MAEA: variants seen among roughly 807,000 people sequenced by gnomAD.
MAEA encodes macrophage erythroblast attacher, E3 ubiquitin ligase, also known as E3 ubiquitin-protein transferase MAEA.
A neutral mutation model predicts 46.2 loss-of-function variants in MAEA; 22 were observed. The observed-to-expected ratio is 0.48, with a 90% CI of 0.34 to 0.68. The LOEUF is 0.68. Among genes scored for constraint, MAEA ranks in the 30% least tolerant of loss-of-function variants. MAEA has a pLI of 0.01. For synonymous variants in MAEA, 246 were observed against 222.6 expected, an observed-to-expected ratio of 1.11 and a Z score of -0.94; for missense variants, 393 against 558.1, an observed-to-expected ratio of 0.70 and a Z score of 2.98.
At chr4:1,301,298 G>A (rs1288576397) in intron 1 of MAEA, among the ~76,000 whole-genome samples, 1 of 152,194 alleles carries the variant, frequency 6.6e-6, no homozygotes, top group Non-Finnish European at 1.5e-5. Flanking sequence ...GACGTTTCAC[G>A]CATGTCTCCA....
chr4:1,319,180 C>G (rs1049053086), intron 3 of MAEA, among the ~76,000 whole-genome samples: 2 of 151,550 alleles, frequency 1.3e-5, no homozygotes, highest in African/African-American at 4.9e-5. Context: ...AGTGAGAACC[C>G]TTCTCTACAA....
chr4:1,321,711 T>C (rs908908376), intron 3 of MAEA, among the ~76,000 whole-genome samples: 1 of 152,112 alleles, frequency 6.6e-6, no homozygotes, highest in African/African-American at 2.4e-5. Flanking sequence ...ACCTGAGCGC[T>C]TGCCCCAAGC....
intron 1 of MAEA, among the ~76,000 whole-genome samples, chr4:1,301,805 G>C (rs573636613): frequency 5.3e-5 from 8 of 152,344 alleles, no homozygotes; most frequent in Admixed American, 3.9e-4. Flanking sequence ...ATCATATACA[G>C]TTGTTATTTT....
intron 1 of MAEA, among the ~76,000 whole-genome samples, chr4:1,308,880 C>T (rs1224208237): frequency 6.6e-6 from 1 of 152,192 alleles, no homozygotes; most frequent in Non-Finnish European, 1.5e-5. Context: ...TTTTCCTGCT[C>T]TGCAGTTTTT....
intron 5 of MAEA, chr4:1,331,276 GT>G (rs1489475995): frequency 1.3e-5 from 2 of 151,248 alleles, no homozygotes; most frequent in African/African-American, 4.9e-5. Flanking sequence ...CCGACTCCCA[GT>G]CCCTGTATGC....
intron 7 of MAEA, chr4:1,338,026 T>A (rs57123300): frequency 0.055 from 11,061 of 200,784 alleles, 1,209 homozygotes; most frequent in African/African-American, 0.24. Flanking sequence ...CCTTGTCCCC[T>A]CTTTGTGGAA....
At chr4:1,324,529 G>A (rs1197340238) in intron 4 of MAEA, among the ~76,000 whole-genome samples, 2 of 150,828 alleles carry the variant, frequency 1.3e-5, no homozygotes, top group African/African-American at 4.9e-5. Flanking sequence ...GAGCGTGCCT[G>A]GTGTTGGATG....
intron 7 of MAEA, chr4:1,338,215 A>G (rs1227362678): frequency 2.0e-6 from 1 of 510,338 alleles, no homozygotes; most frequent in East Asian, 3.1e-5. Context: ...GAGAAGGCGC[A>G]GGCTTCTTGT....
intron 3 of MAEA, among the ~76,000 whole-genome samples, chr4:1,317,688 G>A (rs549705256): frequency 7.5e-4 from 114 of 152,302 alleles, no homozygotes; most frequent in African/African-American, 2.6e-3. Context: ...TCTCGGCACC[G>A]CTGGGGTATG....
chr4:1,297,823 A>G (rs1734908594), intron 1 of MAEA: 1 of 338,530 alleles, frequency 3.0e-6, no homozygotes, highest in Admixed American at 3.8e-5. Flanking sequence ...GCCGCATTCT[A>G]GAGTATGTCT....
At chr4:1,315,215 G>T (rs887991636) in intron 2 of MAEA, among the ~76,000 whole-genome samples, 182 bp from the exon 3 acceptor site, 1 of 152,148 alleles carries the variant, frequency 6.6e-6, no homozygotes, top group African/African-American at 2.4e-5. Flanking sequence ...CACTGCCTCC[G>T]TCTGCAGCTC....
chr4:1,312,293 T>C (rs1309824318), intron 2 of MAEA, 132 bp downstream of exon 2: 6 of 990,052 alleles, frequency 6.1e-6, no homozygotes, highest in Admixed American at 4.5e-5. Context: ...CCTTCCCTGC[T>C]GTCTGCCTTC....
intron 5 of MAEA, chr4:1,329,310 C>T: frequency 1.0e-6 from 1 of 982,886 alleles, no homozygotes; most frequent in Non-Finnish European, 1.2e-6. Context: ...TGTGTTCCCC[C>T]CGCTCCGTGT....
intron 1 of MAEA, among the ~76,000 whole-genome samples, chr4:1,306,235 C>T (rs1020900014): frequency 4.6e-5 from 7 of 152,210 alleles, no homozygotes; most frequent in Non-Finnish European, 7.3e-5. Flanking sequence ...TCGCGCTTTC[C>T]GCTGTGGTCT....
intron 1 of MAEA, among the ~76,000 whole-genome samples, chr4:1,294,539 G>A (rs1274583550): frequency 6.7e-6 from 1 of 149,364 alleles, no homozygotes; most frequent in Non-Finnish European, 1.5e-5. Context: ...AGGCACCGCC[G>A]CCGGGCTGCA....
intron 1 of MAEA, among the ~76,000 whole-genome samples, chr4:1,290,564 G>A (rs1381421252): frequency 6.6e-6 from 1 of 152,346 alleles, no homozygotes; most frequent in Admixed American, 6.5e-5. Context: ...AATGAAATTT[G>A]TGCTCCTAGT....
intron 3 of MAEA, among the ~76,000 whole-genome samples, chr4:1,316,906 G>A (rs1012991478): frequency 1.5e-4 from 22 of 144,880 alleles, no homozygotes; most frequent in African/African-American, 3.6e-4. Flanking sequence ...CCAGCCTTGC[G>A]GCACTCCAGA....
Position 1,339,963 on chromosome 4 carries a change from T to G in MAEA, c.*794T>G, listed in dbSNP as rs1383405168. On this transcript the variant is annotated 3_prime_UTR_variant, in exon 9 of 9. Coordinates refer to ENST00000303400, the MANE Select transcript of MAEA (RefSeq NM_001017405.3). ...TCTAATTGCTATCCATTACAGAAAT[T>G]AATCGTTCAGTTGAAAGAAGTACTG... The G allele has an allele frequency of 3.3e-5, 5 of 152,662 alleles. No individual in the cohort carries two copies. The highest frequency in any genetic ancestry group is 5.9e-5 in the Non-Finnish European group (4 of 68,046). The allele number at this position is 152,662 out of a possible 1,614,324, so 9.5% of individuals were successfully genotyped here.
chr4:1,322,309 TG>T, intron 3 of MAEA, 71 bp from the exon 4 acceptor site: 1 of 1,583,398 alleles, frequency 6.3e-7, no homozygotes, highest in South Asian at 1.1e-5. Context: ...TCATGGAGGC[TG>T]GGGTGTGGGA....
Sources: gnomAD v4.1 joint callset for allele counts (sites outside exome capture counted in the v4.1 genomes callset) on GRCh38, gnomAD v4.1.1 for gene constraint, MANE v1.5 for transcripts, NCBI Gene and HGNC (gene_info 2026-07-23, HGNC 2026-07-21) for gene names.